POT1: variants seen among roughly 807,000 people sequenced by gnomAD.
The protein encoded by POT1 is protection of telomeres protein 1.
POT1 carries 47 observed loss-of-function variants against 78.5 expected under a neutral mutation model. The ratio of observed to expected loss-of-function variants is 0.60; its 90% confidence interval spans 0.47 to 0.76. The LOEUF is 0.76. Among genes scored for constraint, POT1 ranks in the 30% least tolerant of loss-of-function variants. POT1 has a pLI of 0.00. For synonymous variants in POT1, 259 were observed against 260.7 expected, an observed-to-expected ratio of 0.99 and a Z score of 0.06; for missense variants, 646 against 749.9, an observed-to-expected ratio of 0.86 and a Z score of 1.62.
At chr7:124,876,533 A>T (rs891099228) in intron 6 of POT1, among the ~76,000 whole-genome samples, 3 of 152,208 alleles carry the variant, frequency 2.0e-5, no homozygotes, top group Non-Finnish European at 4.4e-5. Flanking sequence ...TCTGAGAAAG[A>T]GATCCTCTTT....
At chr7:124,895,611 T>C (rs1796474130) in intron 5 of POT1, among the ~76,000 whole-genome samples, 1 of 151,504 alleles carries the variant, frequency 6.6e-6, no homozygotes, top group Non-Finnish European at 1.5e-5. Context: ...AAAATAAGTG[T>C]GAACAAAACA....
intron 9 of POT1, chr7:124,853,445 T>C (rs550855105): frequency 4.1e-4 from 76 of 186,044 alleles, no homozygotes; most frequent in Middle Eastern, 2.0e-3. Context: ...TATTGTGTCT[T>C]AGCATCAATA....
At chr7:124,910,505 AAATAT>A (rs771474014) in intron 3 of POT1, among the ~76,000 whole-genome samples, 1 of 151,950 alleles carries the variant, frequency 6.6e-6, no homozygotes, top group Non-Finnish European at 1.5e-5. Context: ...GATTTCATAC[AAATAT>A]AATATTATTA....
chr7:124,924,757 A>G (rs764551287), intron 2 of POT1, among the ~76,000 whole-genome samples: 1 of 152,176 alleles, frequency 6.6e-6, no homozygotes, highest in Non-Finnish European at 1.5e-5. Context: ...CAAAAAGATC[A>G]TACACCATGA....
intron 6 of POT1, among the ~76,000 whole-genome samples, chr7:124,881,111 T>C (rs1242949198): frequency 6.6e-6 from 1 of 152,016 alleles, no homozygotes; most frequent in Non-Finnish European, 1.5e-5. Flanking sequence ...AGATGTGTAG[T>C]TAGGCGATTT....
chr7:124,866,861 A>G (rs978994928), intron 7 of POT1, among the ~76,000 whole-genome samples: 14 of 152,238 alleles, frequency 9.2e-5, no homozygotes, highest in African/African-American at 3.4e-4. Context: ...TTCGTAACAC[A>G]GAAGTTCGCT....
At chr7:124,925,979 T>C (rs1452020612) in intron 2 of POT1, among the ~76,000 whole-genome samples, 1 of 152,102 alleles carries the variant, frequency 6.6e-6, no homozygotes, top group Non-Finnish European at 1.5e-5. Flanking sequence ...AAGATTTGAA[T>C]GTAAGACCCA....
At chr7:124,897,801 T>C (rs534877077) in intron 4 of POT1, among the ~76,000 whole-genome samples, 2 of 152,024 alleles carry the variant, frequency 1.3e-5, no homozygotes, top group Middle Eastern at 3.4e-3. Context: ...TTCTACCTAA[T>C]AGCCTTGACT....
chr7:124,929,299 G>C (rs1797349989), intron 1 of POT1, among the ~76,000 whole-genome samples: 1 of 151,334 alleles, frequency 6.6e-6, no homozygotes, highest in Non-Finnish European at 1.5e-5. Context: ...AAATTTATTG[G>C]GGAAGAGGGA....
rs536866543 is a variant in POT1, at chr7:124,828,511, T to C, written c.1594+743A>G. Among the ~76,000 whole-genome samples the C allele has an allele frequency of 1.9e-3, 283 of 152,270 alleles. 3 individuals are homozygous for C. Among genetic ancestry groups the C allele is most frequent in the African/African-American group, 6.4e-3 (265 of 41,556 alleles). On this transcript the variant is annotated intron_variant, in intron 16 of 18. Transcript: ENST00000357628. The stretch of plus-strand genomic sequence containing the variant: ...AAGAATAAATTAGGACATACAGACA[T>C]GAACTAGGGCATACAACAGACATTA...
chr7:124,881,265 G>A (rs1796112054), intron 6 of POT1, among the ~76,000 whole-genome samples: 1 of 151,812 alleles, frequency 6.6e-6, no homozygotes, highest in South Asian at 2.1e-4. Context: ...GATCTGTTAT[G>A]CCAATATTAA....
chr7:124,832,740 T>C (rs1368817720), intron 15 of POT1, among the ~76,000 whole-genome samples: 1 of 150,926 alleles, frequency 6.6e-6, no homozygotes, highest in Non-Finnish European at 1.5e-5. Context: ...GAGAATCGCT[T>C]GAACCGGGGA....
At chr7:124,858,037 C>T (rs1176038020) in intron 9 of POT1, among the ~76,000 whole-genome samples, 2 of 152,176 alleles carry the variant, frequency 1.3e-5, no homozygotes, top group African/African-American at 4.8e-5. Context: ...GCTCCCACTC[C>T]TGTGGTCTGA....
At chr7:124,877,838 CT>C (rs1257062105) in intron 6 of POT1, among the ~76,000 whole-genome samples, 1 of 54,120 alleles carries the variant, frequency 1.8e-5, no homozygotes, top group East Asian at 7.4e-4. Flanking sequence ...GAGATTCTGT[CT>C]CAAAAAAAAA....
chr7:124,863,573 C>T lies in POT1; in HGVS notation c.323G>A (p.Gly108Glu), dbSNP rs1290433563. 6 of 1,613,798 alleles carry T rather than the reference C, an allele frequency of 3.7e-6. No homozygotes were observed. Among genetic ancestry groups the T allele is most frequent in the Non-Finnish European group, 5.1e-6 (6 of 1,179,798 alleles). The change falls in exon 8 of 19, where the codon GGA becomes GAA. Residue 108 changes from glycine to glutamate, a missense_variant. Physicochemically the swap from Gly to Glu is moderately conservative, Grantham distance 98. This residue lies in a region of POT1 where 252 missense variants were observed against 341.4 expected (regional missense o/e 0.74). Coordinates refer to ENST00000357628, the MANE Select transcript of POT1 (RefSeq NM_015450.3). ...SSGFASLTFE[G>E]TLGAPIIPRT... ...AGGTATGATAGGGGCTCCCAAAGTTCCCTCAAACGTCAAAGATGCAAAGCC... is the reference window on the plus strand; with the variant it reads ...AGGTATGATAGGGGCTCCCAAAGTTTCCTCAAACGTCAAAGATGCAAAGCC...
At chr7:124,829,143 T>A in intron 16 of POT1, 111 bp downstream of exon 16, 1 of 802,194 alleles carries the variant, frequency 1.2e-6, no homozygotes, top group Non-Finnish European at 2.2e-6. Flanking sequence ...GAGGAAGGAA[T>A]AAGTATACAA....
In POT1 at chr7:124,842,884, G is replaced by A. The variant is rs2116467824; in HGVS notation, c.1086C>T (p.Ile362=). The change falls in exon 13 of 19, where the codon ATC becomes ATT. Residue 362 remains isoleucine (I), a synonymous_variant. Coordinates refer to ENST00000357628, the MANE Select transcript of POT1 (RefSeq NM_015450.3). ...GCTTATATGACCTCAATTTTGCTCG[G>A]ATGCGGTATTGTTGAGGAGCTTTTT... ...LKQKAPQQYR[I]RAKLRSYKPR... 6.2e-7 allele frequency: 1 copy of A among 1,611,048 alleles called. No individual in the cohort carries two copies. Among genetic ancestry groups the A allele is most frequent in the South Asian group, 1.1e-5 (1 of 90,436 alleles).
chr7:124,911,648 G>T (rs893931425), intron 3 of POT1, among the ~76,000 whole-genome samples: 1 of 152,068 alleles, frequency 6.6e-6, no homozygotes, highest in Non-Finnish European at 1.5e-5. Flanking sequence ...ACACGACACT[G>T]ATTTTCCTTT....
intron 3 of POT1, among the ~76,000 whole-genome samples, chr7:124,904,026 A>T (rs1033560245): frequency 1.3e-5 from 2 of 152,214 alleles, no homozygotes; most frequent in Admixed American, 1.3e-4. Context: ...AATAATTAAT[A>T]GCCTAACAAC....
Sources: gnomAD v4.1 joint callset for allele counts (sites outside exome capture counted in the v4.1 genomes callset) on GRCh38, gnomAD v4.1.1 for gene constraint, gnomAD v4.1.1 regional missense constraint, MANE v1.5 for transcripts, NCBI Gene and HGNC (gene_info 2026-07-23, HGNC 2026-07-21) for gene names.